The following MZT2B variants were observed in gnomAD, a reference collection of about 807,000 sequenced individuals.
MZT2B encodes mitotic-spindle organizing protein 2B.
Under a neutral mutation model 12.1 loss-of-function variants are expected in MZT2B, and 11 were observed. That is an observed-to-expected ratio of 0.91 (90% CI 0.57 to 1.50). The LOEUF is 1.50. Ranked by LOEUF, MZT2B falls within the 40% of genes most tolerant of loss-of-function variation. The probability of loss-of-function intolerance (pLI) is 0.00; values close to 1 mark genes in which losing one functional copy is unlikely to be tolerated. For synonymous variants in MZT2B, 85 were observed against 109.5 expected, an observed-to-expected ratio of 0.78 and a Z score of 1.40; for missense variants, 209 against 227.7, an observed-to-expected ratio of 0.92 and a Z score of 0.53.
downstream of MZT2B, among the ~76,000 whole-genome samples, chr2:130,193,467 G>C (rs984491214): frequency 4.0e-5 from 6 of 151,460 alleles, no homozygotes; most frequent in African/African-American, 1.5e-4. Flanking sequence ...AAATTAGCCG[G>C]GCATGGTGGC....
At chr2:130,184,508 A>T in intron 2 of MZT2B, 3 of 985,368 alleles carry the variant, frequency 3.0e-6, no homozygotes, top group Non-Finnish European at 3.6e-6. Context: ...AGCAGGTGTG[A>T]TCAGGGGCTC....
the MZT2B span, among the ~76,000 whole-genome samples, chr2:130,201,377 G>C: frequency 6.6e-6 from 1 of 152,176 alleles, no homozygotes; most frequent in Non-Finnish European, 1.5e-5. Context: ...AGCCCCAGAG[G>C]CCTCTCTTCC....
chr2:130,194,757 A>C (rs144247741), downstream of MZT2B, among the ~76,000 whole-genome samples: 914 of 152,250 alleles, frequency 6.0e-3, 14 homozygotes, highest in Admixed American at 0.04. Context: ...AGCTCACTGC[A>C]ACCTCCACCT....
chr2:130,184,500 C>G (rs1689979791), intron 2 of MZT2B: 1 of 985,286 alleles, frequency 1.0e-6, no homozygotes. Context: ...CAGGTGTCAG[C>G]AGGTGTGATC....
the MZT2B span, among the ~76,000 whole-genome samples, chr2:130,197,625 T>C: frequency 0.01 from 1,294 of 126,568 alleles, 44 homozygotes; most frequent in African/African-American, 0.033. Flanking sequence ...TTGTTTGGTT[T>C]TTTGAGGCAG....
the MZT2B span, chr2:130,196,225 G>A: frequency 1.9e-5 from 30 of 1,613,878 alleles, no homozygotes; most frequent in South Asian, 2.1e-4. Flanking sequence ...TGAAGAACGT[G>A]TTGAAGGAGT....
the MZT2B span, among the ~76,000 whole-genome samples, chr2:130,204,657 C>G: frequency 1.4e-5 from 2 of 145,256 alleles, no homozygotes; most frequent in Non-Finnish European, 3.0e-5. Context: ...TGCCACTGCA[C>G]TCCAGCCTGG....
chr2:130,183,011 G>C, intron 2 of MZT2B: 1 of 685,210 alleles, frequency 1.5e-6, no homozygotes, highest in East Asian at 2.9e-5. Context: ...AGGCTGGGTA[G>C]GGCTCCTCCG....
chr2:130,194,289 A>T, downstream of MZT2B: 1 of 1,605,678 alleles, frequency 6.2e-7, no homozygotes, highest in Non-Finnish European at 8.5e-7. Context: ...ATGGAGTTGT[A>T]GGGCTCCACC....
At chr2:130,189,704 A>C (rs56949456) in intron 2 of MZT2B, among the ~76,000 whole-genome samples, 119 of 152,322 alleles carry the variant, frequency 7.8e-4, no homozygotes, top group African/African-American at 2.7e-3. Flanking sequence ...CCATCCCATT[A>C]AAATAAAGGT....
At chr2:130,182,475 G>A (rs1361248493) in intron 1 of MZT2B, 23 bp downstream of exon 1, 4 of 1,540,720 alleles carry the variant, frequency 2.6e-6, no homozygotes, top group Non-Finnish European at 3.5e-6. Flanking sequence ...GGTGGGGGCC[G>A]CATGCTAGCC....
chr2:130,193,030 T>C (rs1031623030), downstream of MZT2B, among the ~76,000 whole-genome samples: 1 of 146,560 alleles, frequency 6.8e-6, no homozygotes, highest in Non-Finnish European at 1.5e-5. Flanking sequence ...GAGGTGGAGG[T>C]TGCAGTGAGT....
chr2:130,190,759 T>TTG (rs1553444087), downstream of MZT2B: 403 of 1,429,916 alleles, frequency 2.8e-4, 1 homozygote, highest in Non-Finnish European at 3.5e-4. Context: ...TTTTTGTTTT[T>TTG]TTTTTTATAT....
At chr2:130,194,302 G>A (rs767848746), downstream of MZT2B, 32 of 1,612,000 alleles carry the variant, frequency 2.0e-5, 1 homozygote, top group South Asian at 2.0e-4. Context: ...GCTCCACCAC[G>A]GCTGTGGAGA....
chr2:130,196,368 C>T, the MZT2B span: 290 of 1,612,052 alleles, frequency 1.8e-4, 1 homozygote, highest in South Asian at 2.9e-3. Context: ...GAGATACACT[C>T]GCGCTGTGAA....
At chr2:130,198,486 C>T in the MZT2B span, 6,011 of 1,171,812 alleles carry the variant, frequency 5.1e-3, 1,479 homozygotes, top group African/African-American at 0.085. Flanking sequence ...GGTGCCAGGC[C>T]GCCATTGGCT....
In MZT2B at chr2:130,190,478, A is replaced by G. The variant is rs537617443; in HGVS notation, c.329A>G (p.Lys110Arg). The G allele has an allele frequency of 3.1e-6, 5 of 1,613,538 alleles. No individual in the cohort carries two copies. Among genetic ancestry groups the G allele is most frequent in the Admixed American group, 1.7e-5 (1 of 60,024 alleles). Residue 110 changes from lysine to arginine, a missense_variant, in exon 3 of 3, where the codon AAA becomes AGA. Transcript: ENST00000281871. The stretch of plus-strand genomic sequence containing the variant: ...CTTTGTGTCTCCTCAGGGAGAAACA[A>G]AGGCAGCGCTGCCCTCGGGGGAGCA... ...SSVPETRGRNKGSAALGGALA... is the reference protein window; with the variant it reads ...SSVPETRGRNRGSAALGGALA...
At chr2:130,182,590 G>A (rs1441241821) in intron 1 of MZT2B, 37 bp from the exon 2 acceptor site, 6 of 1,558,668 alleles carry the variant, frequency 3.8e-6, no homozygotes, top group Admixed American at 1.9e-5. Context: ...CGCGCCGGGC[G>A]GAGAGGGCTC....
At position 130,182,264 on chromosome 2, in the gene MZT2B, C is replaced by G. The variant is rs951499574; in HGVS notation, c.-19C>G. 7 of 1,295,076 alleles carry G rather than the reference C, an allele frequency of 5.4e-6. No homozygotes were observed. The highest frequency in any genetic ancestry group is 6.8e-6 in the Non-Finnish European group (7 of 1,030,194). The allele number at this position is 1,295,076 out of a possible 1,614,324, so 80.2% of individuals were successfully genotyped here. On this transcript the variant is annotated 5_prime_UTR_variant, in exon 1 of 3. Transcript: ENST00000281871. ...GGGGGCGCGGCGGGGCGGAGCGCAC[C>G]TTTCCGCGGGCCGCGGGGATGGCGG...
Sources: allele counts gnomAD v4.1 joint callset (sites outside exome capture counted in the v4.1 genomes callset), GRCh38; gene constraint gnomAD v4.1.1; transcripts MANE v1.5; gene names NCBI Gene and HGNC (gene_info 2026-07-23, HGNC 2026-07-21).